Variants in RAB18 observed in about 807,000 individuals in gnomAD.
RAB18 encodes the protein RAB18, member RAS oncogene family.
Under a neutral mutation model 28.5 loss-of-function variants are expected in RAB18, and 10 were observed. That is an observed-to-expected ratio of 0.35 (90% CI 0.22 to 0.60). RAB18 has a LOEUF of 0.60. Among genes scored for constraint, RAB18 ranks in the 20% least tolerant of loss-of-function variants. The pLI, the probability that RAB18 is intolerant of heterozygous loss-of-function variation, is 0.78. For synonymous variants in RAB18, 93 were observed against 86.9 expected (o/e 1.07, Z -0.39); for missense variants, 188 against 244.2 (o/e 0.77, Z 1.53).
At chr10:27,515,840 T>A (rs1834428183) in intron 2 of RAB18, among the ~76,000 whole-genome samples, 1 of 152,226 alleles carries the variant, frequency 6.6e-6, no homozygotes, top group Admixed American at 6.5e-5. Flanking sequence ...CTTCCTTCTT[T>A]ATCATTCCAA....
intron 1 of RAB18, among the ~76,000 whole-genome samples, chr10:27,506,496 T>C (rs1449261538): frequency 6.6e-6 from 1 of 152,132 alleles, no homozygotes; most frequent in East Asian, 1.9e-4. Context: ...AGTGTTTTTT[T>C]ATTTTTTATA....
Position 27,535,943 on chromosome 10 carries a change from C to T in RAB18, c.446-1933C>T, listed in dbSNP as rs192723008. On this transcript the variant is annotated intron_variant, in intron 6 of 6. Coordinates refer to ENST00000356940, the MANE Select transcript of RAB18 (RefSeq NM_021252.5). ...CTAAAAATACAAAAAATTCACCGGGCGTGGTGGCGGGTGCCTGTAGTCCCA... is the reference window on the plus strand; with the variant it reads ...CTAAAAATACAAAAAATTCACCGGGTGTGGTGGCGGGTGCCTGTAGTCCCA... Among the ~76,000 whole-genome samples, 429 of 152,018 alleles carry T rather than the reference C, an allele frequency of 2.8e-3. 2 individuals carry two copies. The highest frequency in any genetic ancestry group is 9.8e-3 in the African/African-American group (407 of 41,484).
chr10:27,526,773 G>C lies in RAB18; in HGVS notation c.125-55G>C, dbSNP rs1834681006. The C allele has an allele frequency of 4.4e-6, 7 of 1,605,930 alleles. No homozygotes were observed. The Middle Eastern group carries it at 5.1e-4, about 117-fold the overall frequency. On this transcript the variant is annotated intron_variant, in intron 2 of 6. Transcript: ENST00000356940. ...TCTGTTTTCTGGTTTTCTTGGTAATGGATTTTAAAAGTCTGTTTTACTGGG... is the reference window on the plus strand; with the variant it reads ...TCTGTTTTCTGGTTTTCTTGGTAATCGATTTTAAAAGTCTGTTTTACTGGG...
intron 2 of RAB18, among the ~76,000 whole-genome samples, chr10:27,518,287 A>G (rs1834479556): frequency 6.6e-6 from 1 of 152,174 alleles, no homozygotes; most frequent in Non-Finnish European, 1.5e-5. Flanking sequence ...TGATAAATGC[A>G]TATTTAACTT....
At chr10:27,505,930 A>C (rs1837820006) in intron 1 of RAB18, among the ~76,000 whole-genome samples, 1 of 152,208 alleles carries the variant, frequency 6.6e-6, no homozygotes, top group African/African-American at 2.4e-5. Context: ...ATACCAAGGA[A>C]TAGAATAATG....
chr10:27,530,979 TTTAA>T (rs1273735217), intron 3 of RAB18, among the ~76,000 whole-genome samples: 3 of 152,064 alleles, frequency 2.0e-5, no homozygotes, highest in African/African-American at 7.2e-5. Flanking sequence ...TTAAACAGCT[TTTAA>T]TTTATATTAT....
At chr10:27,519,712 C>A (rs900103150) in intron 2 of RAB18, among the ~76,000 whole-genome samples, 7 of 151,982 alleles carry the variant, frequency 4.6e-5, no homozygotes, top group African/African-American at 1.7e-4. Flanking sequence ...TTTTCAGTAG[C>A]CATAAGATTT....
At chr10:27,519,420 A>G (rs937446450) in intron 2 of RAB18, among the ~76,000 whole-genome samples, 3 of 152,078 alleles carry the variant, frequency 2.0e-5, no homozygotes, top group Non-Finnish European at 4.4e-5. Context: ...TGTACTAGAA[A>G]TTTTTAGCCA....
At chr10:27,517,991 C>T (rs927436799) in intron 2 of RAB18, among the ~76,000 whole-genome samples, 1 of 151,730 alleles carries the variant, frequency 6.6e-6, no homozygotes, top group Non-Finnish European at 1.5e-5. Flanking sequence ...TTTTAGGGTA[C>T]ATGTGCACCT....
In RAB18 at chr10:27,538,074, G is replaced by A. The variant is rs768625494; in HGVS notation, c.*23G>A. On this transcript the variant is annotated 3_prime_UTR_variant, in exon 7 of 7. Coordinates refer to ENST00000356940, the MANE Select transcript of RAB18 (RefSeq NM_021252.5). Reference sequence around the variant, plus strand: ...TAAACTCTGGGAAATTCCATCTCTTGCATATTTGATCAGATAGTGACATCT... The same window carrying A: ...TAAACTCTGGGAAATTCCATCTCTTACATATTTGATCAGATAGTGACATCT... The A allele has an allele frequency of 1.9e-6, 3 of 1,613,602 alleles. No homozygotes were observed. The highest frequency in any genetic ancestry group is 1.3e-5 in the African/African-American group (1 of 74,894).
chr10:27,514,364 C>T (rs1400297499), intron 2 of RAB18: 3 of 152,030 alleles, frequency 2.0e-5, no homozygotes, highest in East Asian at 3.9e-4. Flanking sequence ...GAGAGCACAA[C>T]GCACTTGACA....
At chr10:27,524,074 C>T (rs1422746056) in intron 2 of RAB18, among the ~76,000 whole-genome samples, 3 of 151,470 alleles carry the variant, frequency 2.0e-5, no homozygotes, top group Non-Finnish European at 2.9e-5. Context: ...AGCAAGACTC[C>T]GTCTCAAAAA....
At chr10:27,510,058 C>A in intron 2 of RAB18, 128 bp downstream of exon 2, 1 of 740,238 alleles carries the variant, frequency 1.4e-6, no homozygotes, top group Non-Finnish European at 2.4e-6. Context: ...TCTTATTTGT[C>A]CTTCAAGACT....
At chr10:27,523,265 CTTTTTTTTTTTTT>C (rs34006982) in intron 2 of RAB18, among the ~76,000 whole-genome samples, 11 of 79,544 alleles carry the variant, frequency 1.4e-4, no homozygotes, top group African/African-American at 4.0e-4. Context: ...TTTTCTTCTT[CTTTTTTTTTTTTT>C]TTTTTTTTTT....
intron 2 of RAB18, among the ~76,000 whole-genome samples, chr10:27,524,666 C>T (rs959856349): frequency 2.6e-5 from 4 of 152,174 alleles, no homozygotes; most frequent in African/African-American, 9.7e-5. Flanking sequence ...CCATGTTATC[C>T]ACATGAAGAG....
intron 2 of RAB18, chr10:27,513,937 GA>G (rs1208074839): frequency 6.6e-6 from 1 of 152,196 alleles, no homozygotes; most frequent in African/African-American, 2.4e-5. Flanking sequence ...ATTTTTGCAG[GA>G]AGTAATATGT....
At chr10:27,528,366 A>G (rs1420668561) in intron 3 of RAB18, 1 of 474,568 alleles carries the variant, frequency 2.1e-6, no homozygotes, top group African/African-American at 2.0e-5. Context: ...TCTAAAAGGG[A>G]TAATTGAGAC....
At position 27,537,924 on chromosome 10, in the gene RAB18, T is replaced by A; in HGVS notation, c.494T>A (p.Leu165His). 1 of 1,614,032 alleles carries A rather than the reference T, an allele frequency of 6.2e-7. No individual in the cohort carries two copies. The highest frequency in any genetic ancestry group is 8.5e-7 in the Non-Finnish European group (1 of 1,179,986). The change falls in exon 7 of 7, where the codon CTT (leucine) becomes CAT (histidine). Residue 165 changes from leucine to histidine, a missense_variant. Transcript: ENST00000356940. ...CDGVQCAFEE[L>H]VEKIIQTPGL... is the part of the protein sequence containing the mutation. ...GGTGTACAATGTGCCTTTGAAGAAC[T>A]TGTTGAAAAGATCATTCAGACCCCT... is the stretch of plus-strand genomic sequence containing the variant.
chr10:27,535,323 C>T (rs913402006), intron 6 of RAB18, among the ~76,000 whole-genome samples: 1 of 152,100 alleles, frequency 6.6e-6, no homozygotes, highest in South Asian at 2.1e-4. Flanking sequence ...CAAGACTATT[C>T]TTCTTCTTCT....
Sources: gnomAD v4.1 joint callset for allele counts (sites outside exome capture counted in the v4.1 genomes callset) on GRCh38, gnomAD v4.1.1 for gene constraint, MANE v1.5 for transcripts, NCBI Gene and HGNC (gene_info 2026-07-23, HGNC 2026-07-21) for gene names.